Variants in TRIM49 observed in about 807,000 individuals in gnomAD.
TRIM49 encodes the protein tripartite motif containing 49, also known as tripartite motif-containing protein 49.
In TRIM49, 5 loss-of-function variants were observed where a neutral mutation model predicts 27.4. The observed-to-expected ratio is 0.18, with a 90% CI of 0.10 to 0.38. The LOEUF is 0.38. Among genes scored for constraint, TRIM49 ranks in the 10% least tolerant of loss-of-function variants. The pLI is 1.00. For missense variants in TRIM49, 188 were observed against 487.5 expected (o/e 0.39, Z 5.79); for synonymous variants, 69 against 166.0 (o/e 0.42, Z 4.49).
the TRIM49 span, among the ~76,000 whole-genome samples, chr11:89,785,070 T>G: frequency 6.7e-6 from 1 of 149,014 alleles, no homozygotes; most frequent in Non-Finnish European, 1.5e-5. Flanking sequence ...TTTTTATCCC[T>G]AAAAGAAGTT....
the TRIM49 span, among the ~76,000 whole-genome samples, chr11:89,791,690 T>G: frequency 7.2e-5 from 11 of 151,956 alleles, no homozygotes; most frequent in Admixed American, 7.2e-4. Flanking sequence ...GACAAGCAAA[T>G]GCTGAGAGAT....
At chr11:89,766,807 A>C in the TRIM49 span, 2 of 1,269,052 alleles carry the variant, frequency 1.6e-6, no homozygotes, top group Non-Finnish European at 2.2e-6. Context: ...ACCTTCACAC[A>C]TAAAAGAAGA....
the TRIM49 span, among the ~76,000 whole-genome samples, chr11:89,773,021 T>C: frequency 6.6e-5 from 9 of 135,962 alleles, no homozygotes; most frequent in Admixed American, 1.4e-4. Context: ...TGAAACCTTA[T>C]CTCTACTAAA....
chr11:89,792,093 C>CCTA, the TRIM49 span, among the ~76,000 whole-genome samples: 6 of 151,642 alleles, frequency 4.0e-5, no homozygotes, highest in South Asian at 1.2e-3. Context: ...GGGTTGCAAT[C>CCTA]CTAGTCTCTG....
chr11:89,802,843 A>T lies in TRIM49; in HGVS notation c.507+855T>A, dbSNP rs1050702666. Among the ~76,000 whole-genome samples the T allele has an allele frequency of 2.9e-4, 44 of 149,402 alleles. 1 individual carries two copies. Among genetic ancestry groups the T allele is most frequent in the Admixed American group, 4.0e-4 (6 of 15,028 alleles). On this transcript the variant is annotated intron_variant, in intron 4 of 7. Transcript: ENST00000329758. ...TTATTCTCCAACAAAAACCTACCAC[A>T]CTCAAATACATCATGTATTGCATAT...
chr11:89,785,039 G>T, the TRIM49 span, among the ~76,000 whole-genome samples: 2 of 149,818 alleles, frequency 1.3e-5, no homozygotes, highest in African/African-American at 2.5e-5. Context: ...CATTAATCCA[G>T]AAATCTTGAA....
the TRIM49 span, chr11:89,766,733 C>G: frequency 1.3e-6 from 2 of 1,531,262 alleles, no homozygotes; most frequent in Non-Finnish European, 1.8e-6. Flanking sequence ...CAACTCGGCC[C>G]AGAGGTTTCT....
downstream of TRIM49, among the ~76,000 whole-genome samples, chr11:89,793,014 G>A (rs528759691): frequency 6.6e-6 from 1 of 151,964 alleles, no homozygotes; most frequent in Non-Finnish European, 1.5e-5. Context: ...TAATAAAGAA[G>A]AAAAGAGAGA....
chr11:89,776,459 G>A, the TRIM49 span, among the ~76,000 whole-genome samples: 3 of 148,846 alleles, frequency 2.0e-5, no homozygotes, highest in African/African-American at 5.1e-5. Context: ...AGATTTCACC[G>A]TATTAGCCAG....
At chr11:89,784,930 T>C in the TRIM49 span, among the ~76,000 whole-genome samples, 1 of 149,120 alleles carries the variant, frequency 6.7e-6, no homozygotes, top group South Asian at 2.1e-4. Flanking sequence ...GATACTTAAT[T>C]CATTTATTAT....
chr11:89,792,738 T>TA (rs1478273924), downstream of TRIM49, among the ~76,000 whole-genome samples: 1 of 152,020 alleles, frequency 6.6e-6, no homozygotes, highest in Non-Finnish European at 1.5e-5. Context: ...GGGACACATT[T>TA]AAAGCAGTGT....
chr11:89,793,077 C>G (rs1591510022), downstream of TRIM49, among the ~76,000 whole-genome samples: 1 of 152,226 alleles, frequency 6.6e-6, no homozygotes, highest in East Asian at 1.9e-4. Context: ...CCACCGATCC[C>G]ACAGAAATAC....
At chr11:89,801,192 T>G (rs1160527077) in intron 5 of TRIM49, among the ~76,000 whole-genome samples, 67 of 149,396 alleles carry the variant, frequency 4.5e-4, no homozygotes, top group African/African-American at 1.5e-3. Context: ...AGTCTGAGTC[T>G]TGAAGACATT....
chr11:89,793,209 A>T (rs1358500720), downstream of TRIM49, among the ~76,000 whole-genome samples: 1 of 152,178 alleles, frequency 6.6e-6, no homozygotes, highest in Non-Finnish European at 1.5e-5. Flanking sequence ...TGAATAGATC[A>T]ATAACAGGCT....
At chr11:89,806,678 C>T (rs1412012517) in intron 2 of TRIM49, among the ~76,000 whole-genome samples, 3 of 145,702 alleles carry the variant, frequency 2.1e-5, no homozygotes, top group Non-Finnish European at 4.6e-5. Flanking sequence ...TATTTTGCAT[C>T]GCTCATCATT....
At chr11:89,790,364 G>T in the TRIM49 span, among the ~76,000 whole-genome samples, 2,083 of 140,188 alleles carry the variant, frequency 0.015, no homozygotes, top group Non-Finnish European at 0.02. Context: ...AGCAGAAACC[G>T]CTGCAGACTT....
chr11:89,775,386 A>G, the TRIM49 span, among the ~76,000 whole-genome samples: 181 of 94,704 alleles, frequency 1.9e-3, no homozygotes, highest in East Asian at 0.012. Flanking sequence ...CTCAACAACA[A>G]CAACAACCAA....
At chr11:89,797,402 G>C (rs1949699141), downstream of TRIM49, among the ~76,000 whole-genome samples, 1 of 150,032 alleles carries the variant, frequency 6.7e-6, no homozygotes, top group African/African-American at 2.5e-5. Context: ...TTTGTGCCCT[G>C]GTTAAGAAAT....
chr11:89,787,919 A>T, the TRIM49 span: 105 of 373,716 alleles, frequency 2.8e-4, 1 homozygote, highest in South Asian at 3.5e-3. Flanking sequence ...TCCCGGGACC[A>T]CCGGGCCGCG....
Sources: allele counts gnomAD v4.1 joint callset (sites outside exome capture counted in the v4.1 genomes callset), GRCh38; gene constraint gnomAD v4.1.1; transcripts MANE v1.5; gene names NCBI Gene and HGNC (gene_info 2026-07-23, HGNC 2026-07-21).